CMIP: variants seen among roughly 807,000 people sequenced by gnomAD.
CMIP encodes C-Maf-inducing protein.
CMIP carries 13 observed loss-of-function variants against 97.3 expected under a neutral mutation model. The observed-to-expected ratio is 0.13, with a 90% CI of 0.09 to 0.21. The LOEUF is 0.21. Ranked by LOEUF, CMIP falls within the 10% of genes least tolerant of loss-of-function variation. The probability of loss-of-function intolerance (pLI) is 1.00; values close to 1 mark genes in which losing one functional copy is unlikely to be tolerated. For synonymous variants in CMIP, 538 were observed against 436.3 expected (o/e 1.23, Z -2.91); for missense variants, 847 against 1,024.9 (o/e 0.83, Z 2.37).
chr16:81,484,775 G>T (rs1014649597), intron 1 of CMIP, among the ~76,000 whole-genome samples: 1 of 152,106 alleles, frequency 6.6e-6, no homozygotes, highest in Non-Finnish European at 1.5e-5. Flanking sequence ...AACGAGTGTG[G>T]GGTTCACTCT....
chr16:81,461,446 A>T (rs950068482), intron 1 of CMIP, among the ~76,000 whole-genome samples: 3 of 152,226 alleles, frequency 2.0e-5, no homozygotes, highest in Non-Finnish European at 4.4e-5. Context: ...CGTGGTAGAC[A>T]TTGCTAATCA....
At chr16:81,448,409 C>A (rs1373087960) in intron 1 of CMIP, among the ~76,000 whole-genome samples, 1 of 152,248 alleles carries the variant, frequency 6.6e-6, no homozygotes, top group African/African-American at 2.4e-5. Flanking sequence ...AGCACATCTG[C>A]ATCAGGCTGG....
chr16:81,495,487 C>G (rs1171375304), intron 1 of CMIP: 3 of 1,613,194 alleles, frequency 1.9e-6, no homozygotes, highest in South Asian at 2.2e-5. Context: ...ATGGGACAGG[C>G]TGCTGAGGTA....
chr16:81,486,495 G>C (rs1011281671), intron 1 of CMIP, among the ~76,000 whole-genome samples: 6 of 152,180 alleles, frequency 3.9e-5, no homozygotes, highest in Non-Finnish European at 8.8e-5. Flanking sequence ...GGTCCTCGCT[G>C]GAGTTCATTC....
At chr16:81,562,159 C>A (rs1414484792) in intron 1 of CMIP, among the ~76,000 whole-genome samples, 1 of 152,210 alleles carries the variant, frequency 6.6e-6, no homozygotes, top group East Asian at 1.9e-4. Context: ...GATGAGGATG[C>A]AGCCAACCGT....
intron 3 of CMIP, among the ~76,000 whole-genome samples, chr16:81,650,431 A>G (rs752911551): frequency 6.6e-6 from 1 of 152,150 alleles, no homozygotes; most frequent in Non-Finnish European, 1.5e-5. Context: ...AGAAGGAGAA[A>G]GAAGGAGCAG....
At chr16:81,521,049 A>G (rs2090016193) in intron 1 of CMIP, among the ~76,000 whole-genome samples, 1 of 152,234 alleles carries the variant, frequency 6.6e-6, no homozygotes, top group Admixed American at 6.5e-5. Flanking sequence ...AGCTTTTTGC[A>G]GCCTGGGAAC....
At chr16:81,523,680 A>G (rs1310159392) in intron 1 of CMIP, among the ~76,000 whole-genome samples, 1 of 152,234 alleles carries the variant, frequency 6.6e-6, no homozygotes, top group Non-Finnish European at 1.5e-5. Context: ...CTGGAAAAGA[A>G]CCAAGAGGAC....
chr16:81,648,824 C>T (rs1201250542), intron 3 of CMIP, among the ~76,000 whole-genome samples: 1 of 129,428 alleles, frequency 7.7e-6, no homozygotes, highest in Non-Finnish European at 1.6e-5. Flanking sequence ...AAAAAAAGCC[C>T]TGAAGAGTTT....
intron 1 of CMIP, chr16:81,519,387 G>A (rs1027284575): frequency 6.6e-6 from 1 of 152,272 alleles, no homozygotes; most frequent in African/African-American, 2.4e-5. Context: ...TTTGAGAGCA[G>A]AGCCTGGGCT....
Position 81,602,857 on chromosome 16 carries a change from G to A in CMIP, c.301-4710G>A, listed in dbSNP as rs141613860. Among the ~76,000 whole-genome samples the A allele has an allele frequency of 3.6e-3, 545 of 152,226 alleles. 3 individuals are homozygous for A. The highest frequency in any genetic ancestry group is 0.012 in the African/African-American group (509 of 41,522). On this transcript the variant is annotated intron_variant, in intron 1 of 20. Transcript: ENST00000537098. ...AATCTCCTCCCCTGGAGCTCCGGTC[G>A]TCATGTTCAGCTTACCAGGGAATTA...
At chr16:81,668,249 C>T (rs1036961798) in intron 7 of CMIP, among the ~76,000 whole-genome samples, 2 of 152,076 alleles carry the variant, frequency 1.3e-5, no homozygotes, top group Non-Finnish European at 2.9e-5. Context: ...TATGGAGGGT[C>T]GGGGGCAGGA....
chr16:81,649,118 G>A (rs1409103948), intron 3 of CMIP, among the ~76,000 whole-genome samples: 3 of 152,224 alleles, frequency 2.0e-5, no homozygotes, highest in African/African-American at 7.2e-5. Flanking sequence ...ATGGGATACT[G>A]TGAGGATTGA....
chr16:81,605,287 C>T lies in CMIP; in HGVS notation c.301-2280C>T, dbSNP rs147547514. Reference sequence around the variant, plus strand: ...TTCTTGGGTGACACATGGCAGCCGCCGGGATTGGGGGCCAGGGGGTCCTCT... The same window carrying T: ...TTCTTGGGTGACACATGGCAGCCGCTGGGATTGGGGGCCAGGGGGTCCTCT... On this transcript the variant is annotated intron_variant, in intron 1 of 20. Transcript: ENST00000537098. Among the ~76,000 whole-genome samples, 650 of 152,284 alleles carry T rather than the reference C, an allele frequency of 4.3e-3. 2 individuals carry two copies. Among genetic ancestry groups the T allele is most frequent in the African/African-American group, 0.015 (605 of 41,546 alleles).
At chr16:81,597,097 G>A (rs551462954) in intron 1 of CMIP, among the ~76,000 whole-genome samples, 3 of 152,262 alleles carry the variant, frequency 2.0e-5, no homozygotes, top group Non-Finnish European at 4.4e-5. Context: ...GCTACCTAAT[G>A]CTCAGGGAAC....
intron 1 of CMIP, among the ~76,000 whole-genome samples, chr16:81,496,905 G>A (rs921530708): frequency 1.1e-4 from 16 of 152,272 alleles, no homozygotes; most frequent in Non-Finnish European, 1.9e-4. Context: ...CAGTGCCCGG[G>A]ACACCCACCC....
At chr16:81,504,323 C>G (rs1469163239) in intron 1 of CMIP, among the ~76,000 whole-genome samples, 1 of 149,666 alleles carries the variant, frequency 6.7e-6, no homozygotes, top group Non-Finnish European at 1.5e-5. Context: ...GAGACTGTCT[C>G]AAAAAAAGGA....
chr16:81,656,616 G>C (rs78021140), intron 4 of CMIP, among the ~76,000 whole-genome samples: 3,513 of 152,220 alleles, frequency 0.023, 130 homozygotes, highest in African/African-American at 0.081. Flanking sequence ...ATCTCTAATC[G>C]TGAAACCTGA....
At chr16:81,486,600 C>G (rs1056782950) in intron 1 of CMIP, among the ~76,000 whole-genome samples, 4 of 152,188 alleles carry the variant, frequency 2.6e-5, no homozygotes, top group Admixed American at 2.6e-4. Context: ...GCAGAGTTTC[C>G]GGGTGTCCTC....
Sources: allele counts gnomAD v4.1 joint callset (sites outside exome capture counted in the v4.1 genomes callset), GRCh38; gene constraint gnomAD v4.1.1; transcripts MANE v1.5; gene names NCBI Gene and HGNC (gene_info 2026-07-23, HGNC 2026-07-21).